Variants in PRR16 observed in about 807,000 individuals in gnomAD.
PRR16 encodes protein Largen.
A neutral mutation model predicts 18.2 loss-of-function variants in PRR16; 6 were observed. That is an observed-to-expected ratio of 0.33 (90% confidence interval 0.18 to 0.65). PRR16 has a LOEUF of 0.65. PRR16 is among the 30% of genes least tolerant of loss of function. The pLI, the probability that PRR16 is intolerant of heterozygous loss-of-function variation, is 0.74. For synonymous variants in PRR16, 151 were observed against 147.8 expected (o/e 1.02, Z -0.16); for missense variants, 412 against 376.6 (o/e 1.09, Z -0.78).
the PRR16 span, among the ~76,000 whole-genome samples, chr5:120,708,700 C>T: frequency 9.8e-4 from 149 of 152,210 alleles, no homozygotes; most frequent in Non-Finnish European, 1.7e-3. Flanking sequence ...AGTTTCAGAA[C>T]CCAATCCTAC....
intron 1 of PRR16, among the ~76,000 whole-genome samples, chr5:120,486,370 T>C (rs1343810138): frequency 2.0e-5 from 3 of 150,206 alleles, no homozygotes; most frequent in Non-Finnish European, 3.0e-5. Flanking sequence ...TATCTCACTG[T>C]GGTTTTGATT....
At chr5:120,538,022 C>T (rs929354104) in intron 1 of PRR16, among the ~76,000 whole-genome samples, 5 of 151,804 alleles carry the variant, frequency 3.3e-5, no homozygotes, top group Admixed American at 2.0e-4. Flanking sequence ...GTGATCCGCC[C>T]GCCTCGGCCT....
the PRR16 span, among the ~76,000 whole-genome samples, chr5:120,737,103 A>C: frequency 1.3e-5 from 2 of 152,062 alleles, no homozygotes; most frequent in Admixed American, 1.3e-4. Context: ...GATTCCTTTT[A>C]CTTTTTTTCT....
chr5:120,583,352 A>T (rs9765600), intron 1 of PRR16, among the ~76,000 whole-genome samples: 3 of 150,682 alleles, frequency 2.0e-5, no homozygotes, highest in Non-Finnish European at 4.4e-5. Flanking sequence ...TGTGTGTGCA[A>T]GTAATCCATG....
At chr5:120,578,815 A>G (rs1753166504) in intron 1 of PRR16, among the ~76,000 whole-genome samples, 1 of 152,178 alleles carries the variant, frequency 6.6e-6, no homozygotes, top group Non-Finnish European at 1.5e-5. Context: ...TTCTTGAGGA[A>G]TTGCCATACT....
At chr5:120,749,474 T>G in the PRR16 span, among the ~76,000 whole-genome samples, 1 of 152,132 alleles carries the variant, frequency 6.6e-6, no homozygotes, top group Non-Finnish European at 1.5e-5. Flanking sequence ...AAGTCAAATG[T>G]AAGTCTTTTA....
intron 1 of PRR16, among the ~76,000 whole-genome samples, chr5:120,509,087 T>C (rs1750738897): frequency 6.6e-6 from 1 of 152,174 alleles, no homozygotes; most frequent in Admixed American, 6.6e-5. Context: ...CTTATGTTTA[T>C]GTTGCCTGTG....
At chr5:120,690,787 C>T (rs1757200245), downstream of PRR16, among the ~76,000 whole-genome samples, 1 of 151,996 alleles carries the variant, frequency 6.6e-6, no homozygotes. Context: ...TGCAGTTAGC[C>T]TTATCTTGAA....
At chr5:120,480,124 G>C (rs976317571) in intron 1 of PRR16, among the ~76,000 whole-genome samples, 3 of 152,130 alleles carry the variant, frequency 2.0e-5, no homozygotes, top group Non-Finnish European at 4.4e-5. Flanking sequence ...TTAAAATACA[G>C]AATAATATGG....
chr5:120,579,469 T>C (rs1300958077), intron 1 of PRR16, among the ~76,000 whole-genome samples: 2 of 152,218 alleles, frequency 1.3e-5, no homozygotes, highest in Non-Finnish European at 2.9e-5. Context: ...TTTCTGCATA[T>C]GGCTAGCCAG....
chr5:120,642,734 C>T (rs1755464314), intron 1 of PRR16, among the ~76,000 whole-genome samples: 1 of 152,122 alleles, frequency 6.6e-6, no homozygotes, highest in African/African-American at 2.4e-5. Flanking sequence ...TGGCTACTCA[C>T]CTTCTGAAGC....
At chr5:120,596,172 G>A (rs545987683) in intron 1 of PRR16, among the ~76,000 whole-genome samples, 138 of 147,084 alleles carry the variant, frequency 9.4e-4, no homozygotes, top group African/African-American at 3.3e-3. Flanking sequence ...CGGCCATTGT[G>A]ATCAATTTAC....
intron 1 of PRR16, among the ~76,000 whole-genome samples, chr5:120,678,434 T>C (rs1477130177): frequency 2.0e-5 from 3 of 152,206 alleles, no homozygotes; most frequent in African/African-American, 7.2e-5. Flanking sequence ...ATTTATTCAA[T>C]TACCTCACTA....
chr5:120,548,051 C>T (rs2112694352), intron 1 of PRR16, among the ~76,000 whole-genome samples: 1 of 152,006 alleles, frequency 6.6e-6, no homozygotes, highest in African/African-American at 2.4e-5. Context: ...AATGACAGTG[C>T]TAAGTCTAAA....
At chr5:120,571,999 T>G (rs1314700749) in intron 1 of PRR16, among the ~76,000 whole-genome samples, 1 of 152,122 alleles carries the variant, frequency 6.6e-6, no homozygotes, top group South Asian at 2.1e-4. Context: ...CTTCCCTGCA[T>G]GGTATCCAAA....
chr5:120,761,298 T>G, the PRR16 span, among the ~76,000 whole-genome samples: 751 of 152,226 alleles, frequency 4.9e-3, 6 homozygotes, highest in African/African-American at 0.016. Context: ...CTTTGCTGAT[T>G]ACATCCCCAA....
intron 1 of PRR16, among the ~76,000 whole-genome samples, chr5:120,508,610 G>A (rs575338920): frequency 2.2e-4 from 33 of 152,168 alleles, no homozygotes; most frequent in Admixed American, 7.2e-4. Context: ...TTAGATTTCC[G>A]TATTTGTAGG....
chr5:120,614,999 A>G (rs1754458403), intron 1 of PRR16, among the ~76,000 whole-genome samples: 1 of 152,146 alleles, frequency 6.6e-6, no homozygotes, highest in South Asian at 2.1e-4. Context: ...AACCTCTGTC[A>G]GTAAAGATTC....
At chr5:120,652,650 C>T (rs1332412423) in intron 1 of PRR16, among the ~76,000 whole-genome samples, 1 of 151,926 alleles carries the variant, frequency 6.6e-6, no homozygotes, top group East Asian at 1.9e-4. Flanking sequence ...TAATAATCCT[C>T]AAAACTGCTA....
Sources: gnomAD v4.1 joint callset for allele counts (sites outside exome capture counted in the v4.1 genomes callset) on GRCh38, gnomAD v4.1.1 for gene constraint, MANE v1.5 for transcripts, NCBI Gene and HGNC (gene_info 2026-07-23, HGNC 2026-07-21) for gene names.